Variants in ROBO1 observed in about 807,000 individuals in gnomAD.
The protein encoded by ROBO1 is roundabout guidance receptor 1, also known as roundabout homolog 1.
In ROBO1, 149 loss-of-function variants were observed where a neutral mutation model predicts 195.9. The observed-to-expected ratio is 0.76, with a 90% confidence interval of 0.67 to 0.87. The LOEUF (loss-of-function observed/expected upper bound fraction) is 0.87. ROBO1 is among the 40% of genes least tolerant of loss of function. The pLI is 0.00. For synonymous variants in ROBO1, 816 were observed against 733.2 expected (o/e 1.11, Z -1.82); for missense variants, 1,933 against 2,068.3 (o/e 0.93, Z 1.27).
intron 2 of ROBO1, among the ~76,000 whole-genome samples, chr3:79,401,913 T>C (rs549786525): frequency 1.3e-5 from 2 of 151,944 alleles, no homozygotes; most frequent in Non-Finnish European, 2.9e-5. Flanking sequence ...AAGTGCTCTT[T>C]CAAGTTATTT....
At chr3:78,687,250 A>C (rs2107832651) in intron 9 of ROBO1, among the ~76,000 whole-genome samples, 1 of 152,306 alleles carries the variant, frequency 6.6e-6, no homozygotes, top group South Asian at 2.1e-4. Flanking sequence ...AATGCACTTA[A>C]AATTCTTCCT....
At chr3:78,823,512 A>C (rs1042260513) in intron 4 of ROBO1, among the ~76,000 whole-genome samples, 2 of 152,206 alleles carry the variant, frequency 1.3e-5, no homozygotes, top group Non-Finnish European at 2.9e-5. Flanking sequence ...TTTGTTAACA[A>C]ATTTTAAGGA....
rs1420242958 is a variant in ROBO1, at chr3:78,597,912, G to GGTTTACAAATAAA, written c.*988_*1000dup. 7.0e-6 allele frequency: 1 copy of GGTTTACAAATAAA among 142,472 alleles called. No homozygotes were observed. Among genetic ancestry groups the GGTTTACAAATAAA allele is most frequent in the Non-Finnish European group, 1.5e-5 (1 of 65,928 alleles). 8.8% of individuals were successfully genotyped at this position (142,472 alleles called of 1,614,324 possible). On this transcript the variant is annotated 3_prime_UTR_variant, in exon 31 of 31. Coordinates refer to ENST00000464233, the MANE Select transcript of ROBO1 (RefSeq NM_002941.4). ...GACAAAAAAGGTTAATAGTTACAAT[G>GGTTTACAAATAAA]GTTTACAAATAAAGTTTAGTGATTG...
At chr3:79,085,404 T>G (rs1478025918) in intron 3 of ROBO1, among the ~76,000 whole-genome samples, 2 of 152,200 alleles carry the variant, frequency 1.3e-5, no homozygotes, top group Non-Finnish European at 2.9e-5. Flanking sequence ...GTTGATTTAA[T>G]TTTTGTTATT....
chr3:78,836,287 C>A (rs705096), intron 4 of ROBO1, among the ~76,000 whole-genome samples: 1 of 151,800 alleles, frequency 6.6e-6, no homozygotes, highest in Non-Finnish European at 1.5e-5. Flanking sequence ...CCGAGGCGGG[C>A]GGATCACGAG....
chr3:79,182,474 A>G (rs75661768), intron 2 of ROBO1, among the ~76,000 whole-genome samples: 13,428 of 152,168 alleles, frequency 0.088, 1,026 homozygotes, highest in African/African-American at 0.2. Flanking sequence ...GGGATTCACG[A>G]TTCAGAGAAA....
At chr3:78,808,960 C>G (rs1373286120) in intron 4 of ROBO1, among the ~76,000 whole-genome samples, 1 of 152,064 alleles carries the variant, frequency 6.6e-6, no homozygotes, top group Non-Finnish European at 1.5e-5. Context: ...GACTAAAACA[C>G]CAAAAGCAAT....
chr3:78,813,256 AC>A (rs2084798739), intron 4 of ROBO1, among the ~76,000 whole-genome samples: 3 of 138,056 alleles, frequency 2.2e-5, no homozygotes, highest in Admixed American at 7.8e-5. Flanking sequence ...ACACACACAC[AC>A]ACACACCACT....
At chr3:79,682,823 T>C (rs573700272) in intron 1 of ROBO1, among the ~76,000 whole-genome samples, 1 of 152,148 alleles carries the variant, frequency 6.6e-6, no homozygotes, top group Non-Finnish European at 1.5e-5. Flanking sequence ...CACTTCAAAA[T>C]GTTCATGAAG....
In ROBO1 at chr3:79,717,851, C is replaced by A. The variant is rs140749949; in HGVS notation, c.-51+49901G>T. 1.9e-3 allele frequency among the ~76,000 whole-genome samples: 284 copies of A among 151,856 alleles called. 1 individual carries two copies. The highest frequency in any genetic ancestry group is 1.8e-3 in the Non-Finnish European group (119 of 67,844). On this transcript the variant is annotated intron_variant, in intron 1 of 30. Coordinates refer to ENST00000464233, the MANE Select transcript of ROBO1 (RefSeq NM_002941.4). ...TTTTCATGTATATCTTTGTGTGTGT[C>A]TTTTGTGTGTGTATTTTTCTGTGGA... is the stretch of plus-strand genomic sequence containing the variant.
intron 2 of ROBO1, among the ~76,000 whole-genome samples, chr3:79,510,823 A>T (rs1015496716): frequency 6.6e-6 from 1 of 152,152 alleles, no homozygotes; most frequent in Non-Finnish European, 1.5e-5. Flanking sequence ...TTTGGATTTT[A>T]AGACCCTCAT....
chr3:79,109,005 C>T (rs915325214), intron 3 of ROBO1, among the ~76,000 whole-genome samples: 3 of 151,606 alleles, frequency 2.0e-5, no homozygotes, highest in Admixed American at 6.6e-5. Flanking sequence ...TATCACAGTG[C>T]CTCTTTCTTT....
At chr3:79,263,691 G>A (rs1007261105) in intron 2 of ROBO1, among the ~76,000 whole-genome samples, 12 of 151,778 alleles carry the variant, frequency 7.9e-5, no homozygotes, top group African/African-American at 2.7e-4. Context: ...TTTGCCTTTC[G>A]ATATTTTACT....
chr3:79,161,208 G>A (rs2080957533), intron 2 of ROBO1, among the ~76,000 whole-genome samples: 2 of 152,016 alleles, frequency 1.3e-5, no homozygotes, highest in Admixed American at 6.6e-5. Flanking sequence ...GACCAAGGCT[G>A]CCTGCCAAGT....
chr3:79,432,486 T>C (rs1428213063), intron 2 of ROBO1, among the ~76,000 whole-genome samples: 1 of 152,080 alleles, frequency 6.6e-6, no homozygotes, highest in Non-Finnish European at 1.5e-5. Flanking sequence ...AAATAATATA[T>C]CACATCCTTA....
In ROBO1 at chr3:78,770,510, T is replaced by C. The variant is rs185237299; in HGVS notation, c.500-23610A>G. 9.3e-4 allele frequency among the ~76,000 whole-genome samples: 142 copies of C among 152,348 alleles called. 1 individual carries two copies. The highest frequency in any genetic ancestry group is 3.2e-3 in the African/African-American group (132 of 41,588). On this transcript the variant is annotated intron_variant, in intron 4 of 30. Transcript: ENST00000464233. ...CTTGTTCACTTGGTTAAGCTCCTTA[T>C]AGATTCTGAATACAAGACTCTTGTC...
intron 4 of ROBO1, among the ~76,000 whole-genome samples, chr3:78,817,587 AT>A (rs34785449): frequency 6.6e-6 from 1 of 152,194 alleles, no homozygotes; most frequent in Non-Finnish European, 1.5e-5. Context: ...CAGAAAAGTC[AT>A]TTCATATAAT....
intron 3 of ROBO1, among the ~76,000 whole-genome samples, chr3:79,031,195 T>G (rs2078290564): frequency 6.6e-6 from 1 of 152,226 alleles, no homozygotes; most frequent in Non-Finnish European, 1.5e-5. Flanking sequence ...TACCCAAGTT[T>G]ACATGATGAA....
intron 2 of ROBO1, among the ~76,000 whole-genome samples, chr3:79,129,512 A>AT (rs1372661492): frequency 2.6e-5 from 4 of 152,116 alleles, no homozygotes; most frequent in African/African-American, 9.6e-5. Context: ...AGCAACAACT[A>AT]TAAAAGGAAA....
Sources: allele counts gnomAD v4.1 joint callset (sites outside exome capture counted in the v4.1 genomes callset), GRCh38; gene constraint gnomAD v4.1.1; transcripts MANE v1.5; gene names NCBI Gene and HGNC (gene_info 2026-07-23, HGNC 2026-07-21).